Variants in CFAP299 observed in about 807,000 individuals in gnomAD.
CFAP299 encodes cilia- and flagella-associated protein 299.
Under a neutral mutation model 27.0 loss-of-function variants are expected in CFAP299, and 21 were observed. The observed-to-expected ratio is 0.78, with a 90% confidence interval of 0.55 to 1.12. The LOEUF (loss-of-function observed/expected upper bound fraction) is 1.12. CFAP299 is among the 50% of genes most tolerant of loss of function. The pLI is 0.00. For missense variants in CFAP299, 310 were observed against 276.6 expected (o/e 1.12, Z -0.86); for synonymous variants, 104 against 98.1 (o/e 1.06, Z -0.36).
chr4:80,662,274 G>A (rs554586447), intron 3 of CFAP299, among the ~76,000 whole-genome samples: 51 of 152,084 alleles, frequency 3.4e-4, no homozygotes, highest in African/African-American at 1.2e-3. Context: ...AGAACCAGCC[G>A]ACGTGTGATG....
At chr4:80,888,235 C>T (rs894311391) in intron 4 of CFAP299, among the ~76,000 whole-genome samples, 3 of 151,984 alleles carry the variant, frequency 2.0e-5, no homozygotes, top group African/African-American at 7.2e-5. Flanking sequence ...CCGCTGCCTA[C>T]AAGAAACACA....
At chr4:80,900,168 G>C (rs1306839517) in intron 4 of CFAP299, among the ~76,000 whole-genome samples, 3 of 145,170 alleles carry the variant, frequency 2.1e-5, no homozygotes, top group Non-Finnish European at 4.6e-5. Flanking sequence ...GTGTCTGAGA[G>C]AGTAGAAGGG....
At chr4:80,369,660 T>C (rs576390897) in intron 2 of CFAP299, among the ~76,000 whole-genome samples, 11 of 152,230 alleles carry the variant, frequency 7.2e-5, no homozygotes, top group Non-Finnish European at 1.3e-4. Context: ...CAAGATCATG[T>C]CTCCTCTTCT....
chr4:80,492,050 A>T (rs931747820), intron 2 of CFAP299, among the ~76,000 whole-genome samples: 2 of 152,088 alleles, frequency 1.3e-5, no homozygotes, highest in African/African-American at 4.8e-5. Context: ...CTTTATCTTA[A>T]CCGTTTTTGT....
At chr4:80,876,617 G>T (rs1578205547) in intron 4 of CFAP299, among the ~76,000 whole-genome samples, 2 of 152,180 alleles carry the variant, frequency 1.3e-5, no homozygotes, top group East Asian at 1.9e-4. Context: ...TAAAAAACCT[G>T]TATCATTAAA....
chr4:80,670,323 C>G (rs888262191), intron 3 of CFAP299, among the ~76,000 whole-genome samples: 1 of 152,072 alleles, frequency 6.6e-6, no homozygotes, highest in African/African-American at 2.4e-5. Context: ...TGAACTCATC[C>G]TTTTTTATGG....
At chr4:80,415,311 C>T (rs2110064904) in intron 2 of CFAP299, among the ~76,000 whole-genome samples, 1 of 152,046 alleles carries the variant, frequency 6.6e-6, no homozygotes, top group South Asian at 2.1e-4. Flanking sequence ...TTGAGCATTC[C>T]CCCAAATAAG....
chr4:80,664,996 C>T (rs1233878271), intron 3 of CFAP299, among the ~76,000 whole-genome samples: 1 of 152,138 alleles, frequency 6.6e-6, no homozygotes, highest in Non-Finnish European at 1.5e-5. Context: ...TCTCTGACCC[C>T]TTGCACTTCC....
intron 3 of CFAP299, among the ~76,000 whole-genome samples, chr4:80,649,457 G>C (rs545817067): frequency 1.3e-5 from 2 of 152,180 alleles, no homozygotes; most frequent in African/African-American, 4.8e-5. Context: ...TAGAAGCAGA[G>C]ACAGCAATAC....
chr4:80,759,931 T>G (rs1725457859), intron 3 of CFAP299, among the ~76,000 whole-genome samples: 1 of 152,136 alleles, frequency 6.6e-6, no homozygotes, highest in East Asian at 1.9e-4. Context: ...TGGTATTATG[T>G]TATACAGATG....
At chr4:80,600,600 G>A (rs935423336) in intron 3 of CFAP299, among the ~76,000 whole-genome samples, 4 of 152,084 alleles carry the variant, frequency 2.6e-5, no homozygotes, top group Non-Finnish European at 5.9e-5. Flanking sequence ...AATTAAGAAT[G>A]TTTCATCAGT....
chr4:80,448,339 A>T (rs1371743756), intron 2 of CFAP299, among the ~76,000 whole-genome samples: 2 of 152,198 alleles, frequency 1.3e-5, no homozygotes, highest in Non-Finnish European at 2.9e-5. Flanking sequence ...TCTGATCACA[A>T]ACTATAATCA....
chr4:80,799,142 A>AT (rs1319029665), intron 3 of CFAP299, among the ~76,000 whole-genome samples: 22 of 120,482 alleles, frequency 1.8e-4, no homozygotes, highest in African/African-American at 5.9e-4. Flanking sequence ...TTATATATAT[A>AT]TTATATAAAT....
At chr4:80,913,391 T>C (rs1735577049) in intron 4 of CFAP299, among the ~76,000 whole-genome samples, 1 of 152,220 alleles carries the variant, frequency 6.6e-6, no homozygotes, top group South Asian at 2.1e-4. Flanking sequence ...TTCTGTTTAA[T>C]ATATCTTAAC....
At chr4:80,756,743 C>T (rs1725259768) in intron 3 of CFAP299, among the ~76,000 whole-genome samples, 1 of 151,920 alleles carries the variant, frequency 6.6e-6, no homozygotes, top group African/African-American at 2.4e-5. Context: ...CTATATGGCC[C>T]ACAAAGCCTG....
chr4:80,705,248 T>C (rs370915358), intron 3 of CFAP299, among the ~76,000 whole-genome samples: 4 of 151,846 alleles, frequency 2.6e-5, no homozygotes, highest in South Asian at 4.2e-4. Context: ...TTCCAGATTA[T>C]TGAAAAGTAG....
At chr4:80,726,214 T>A (rs1041030519) in intron 3 of CFAP299, among the ~76,000 whole-genome samples, 4 of 152,128 alleles carry the variant, frequency 2.6e-5, no homozygotes, top group African/African-American at 9.7e-5. Flanking sequence ...GGTAAATGAG[T>A]GTGTTCATGC....
intron 2 of CFAP299, among the ~76,000 whole-genome samples, chr4:80,392,589 G>T (rs963598242): frequency 6.6e-6 from 1 of 151,944 alleles, no homozygotes; most frequent in Non-Finnish European, 1.5e-5. Context: ...CCTTGCTGCC[G>T]TCATGTGAAG....
Position 80,866,062 on chromosome 4 carries a change from TATATATATA to T in CFAP299, c.334-3930_334-3922del, listed in dbSNP as rs1560454006. On this transcript the variant is annotated intron_variant, in intron 3 of 5. Coordinates refer to ENST00000358105, the MANE Select transcript of CFAP299 (RefSeq NM_152770.3). ...GTGCACCGTAGAACTTAAAGTATTA[TATATATATA>T]TATATATATATATATATATATATAT... is the stretch of plus-strand genomic sequence containing the variant. Among the ~76,000 whole-genome samples, 5 of 49,320 alleles carry T rather than the reference TATATATATA, an allele frequency of 1.0e-4. No homozygotes were observed. In the African/African-American group the frequency reaches 1.1e-3, roughly 10 times the overall value. 32.4% of individuals were successfully genotyped at this position (49,320 alleles called of 152,430 possible). A position where few individuals can be genotyped will look rare whatever the true frequency, so the allele number is the denominator to read the frequency against.
Sources: gnomAD v4.1 joint callset for allele counts (sites outside exome capture counted in the v4.1 genomes callset) on GRCh38, gnomAD v4.1.1 for gene constraint, MANE v1.5 for transcripts, NCBI Gene and HGNC (gene_info 2026-07-23, HGNC 2026-07-21) for gene names.